Variants in TRIM14 observed in about 807,000 individuals in gnomAD.
TRIM14 encodes the protein tripartite motif containing 14, also known as tripartite motif-containing protein 14.
A neutral mutation model predicts 44.5 loss-of-function variants in TRIM14; 28 were observed. The observed-to-expected ratio is 0.63, with a 90% confidence interval of 0.47 to 0.86. The LOEUF (loss-of-function observed/expected upper bound fraction) is 0.86, where lower values mean the gene tolerates loss of function less well. TRIM14 is among the 40% of genes least tolerant of loss of function. TRIM14 has a pLI of 0.00. For synonymous variants in TRIM14, 299 were observed against 269.2 expected (o/e 1.11, Z -1.08); for missense variants, 607 against 611.1 (o/e 0.99, Z 0.07).
chr9:98,061,931 G>A, the TRIM14 span, among the ~76,000 whole-genome samples: 1 of 151,598 alleles, frequency 6.6e-6, no homozygotes, highest in African/African-American at 2.4e-5. Context: ...AAATGGTCTG[G>A]GAACCAGGGC....
Position 98,092,444 on chromosome 9 carries a change from C to G in TRIM14, c.701-443G>C, listed in dbSNP as rs761728564. The G allele has an allele frequency of 1.1e-4, 39 of 360,260 alleles. 1 individual carries two copies. Among genetic ancestry groups the G allele is most frequent in the South Asian group, 8.1e-4 (39 of 47,986 alleles). 22.3% of individuals were successfully genotyped at this position (360,260 alleles called of 1,614,324 possible). On this transcript the variant is annotated intron_variant, in intron 4 of 5. Transcript: ENST00000341469. ...TGGACAGCCCCCCCACACCCTTCCC[C>G]CCTTGCCCAGGTTGCCTCCTTCCCA...
chr9:98,072,115 C>CT (rs1491452492), intron 6 of TRIM14, among the ~76,000 whole-genome samples: 6 of 152,184 alleles, frequency 3.9e-5, no homozygotes, highest in Non-Finnish European at 7.3e-5. Context: ...GGTGCTCACA[C>CT]TCTGTGTGGC....
Position 98,109,993 on chromosome 9 carries a change from G to A in TRIM14, c.208-9C>T. 6.2e-7 allele frequency: 1 copy of A among 1,611,718 alleles called. No homozygotes were observed. The highest frequency in any genetic ancestry group is 1.1e-5 in the South Asian group (1 of 91,012). ...CATTCTTGGCTGAGTTTCTGTACAG[G>A]AGGGAGTTAGGAAAAAAGTCGTAAT... On this transcript the variant is annotated splice_polypyrimidine_tract_variant and intron_variant, in intron 1 of 5. Coordinates refer to ENST00000341469, the MANE Select transcript of TRIM14 (RefSeq NM_014788.4).
rs1033232989 is a variant in TRIM14 at position 98,095,575 on chromosome 9, T to G, written c.538-546A>C. On this transcript the variant is annotated intron_variant, in intron 3 of 5. Transcript: ENST00000341469. This position sits in a 1 kb window ranked among gnomAD's most constrained non-coding sequence, Gnocchi z 4.1. ...GGGGGTGTGGCCACCGCAGGGGACATGTGTCCTGTTTTGCACCTGGACAGC... is the reference window on the plus strand; with the variant it reads ...GGGGGTGTGGCCACCGCAGGGGACAGGTGTCCTGTTTTGCACCTGGACAGC... 1.3e-5 allele frequency among the ~76,000 whole-genome samples: 2 copies of G among 152,328 alleles called. No homozygotes were observed. Among genetic ancestry groups the G allele is most frequent in the African/African-American group, 4.8e-5 (2 of 41,570 alleles).
chr9:98,082,938 C>T, downstream of TRIM14: 2 of 1,614,186 alleles, frequency 1.2e-6, no homozygotes, highest in Non-Finnish European at 1.7e-6. Context: ...AGCCCAAAGG[C>T]TATCCTCCTG....
intron 1 of TRIM14, among the ~76,000 whole-genome samples, chr9:98,110,734 G>A (rs1826815786): frequency 6.6e-6 from 1 of 151,950 alleles, no homozygotes; most frequent in Non-Finnish European, 1.5e-5. Context: ...GGTCAGGCAT[G>A]GTGGCTCATG....
In TRIM14 at chr9:98,118,974, G is replaced by T. The variant is rs1025404751; in HGVS notation, c.207+8C>A. On this transcript the variant is annotated splice_region_variant and intron_variant, in intron 1 of 5. Transcript: ENST00000341469. ...CCGCGCGGCGAACCCCGTCCCCATC[G>T]TCCCCACCTGCACGTGCACCGCTGC... 35 of 1,529,338 alleles carry T rather than the reference G, an allele frequency of 2.3e-5. No individual in the cohort carries two copies. The highest frequency in any genetic ancestry group is 2.9e-5 in the Non-Finnish European group (33 of 1,147,202). 94.7% of individuals were successfully genotyped at this position (1,529,338 alleles called of 1,614,324 possible).
In TRIM14 at chr9:98,116,673, CA is replaced by C. The variant is rs1033313996; in HGVS notation, c.207+2308del. On this transcript the variant is annotated intron_variant, in intron 1 of 5. Transcript: ENST00000341469. ...ACAACATGGTGAAACCCCGTCTCTA[CA>C]AAAAAAATACAAAAAAAAAATTAGC... Among the ~76,000 whole-genome samples, 3 of 150,114 alleles carry C rather than the reference CA, an allele frequency of 2.0e-5. No homozygotes were observed. The East Asian group carries it at 5.9e-4, about 29-fold the overall frequency.
At chr9:98,114,999 G>A (rs1223344922) in intron 1 of TRIM14, among the ~76,000 whole-genome samples, 1 of 152,108 alleles carries the variant, frequency 6.6e-6, no homozygotes, top group Non-Finnish European at 1.5e-5. Context: ...AGATACTTTT[G>A]TGAGCAAAAT....
intron 2 of TRIM14, among the ~76,000 whole-genome samples, chr9:98,104,523 T>TAG (rs370632139): frequency 2.7e-5 from 4 of 149,202 alleles, no homozygotes; most frequent in African/African-American, 7.4e-5. Flanking sequence ...CAGAAAGGGG[T>TAG]AGAGAGAGAG....
the TRIM14 span, among the ~76,000 whole-genome samples, chr9:98,040,736 C>T: frequency 3.4e-3 from 514 of 151,722 alleles, 6 homozygotes; most frequent in African/African-American, 0.011. Flanking sequence ...CAGCTCATTG[C>T]AACCTCTGCC....
intron 1 of TRIM14, among the ~76,000 whole-genome samples, chr9:98,114,549 C>T (rs977874421): frequency 2.6e-5 from 4 of 152,102 alleles, no homozygotes; most frequent in African/African-American, 9.7e-5. Context: ...GTCTCGATCT[C>T]CTGACCTCGT....
intron 1 of TRIM14, among the ~76,000 whole-genome samples, chr9:98,111,043 C>A (rs1169675486): frequency 7.0e-6 from 1 of 141,922 alleles, no homozygotes; most frequent in Non-Finnish European, 1.5e-5. Flanking sequence ...CAGAGTGAGA[C>A]CCTGTCCCCC....
chr9:98,062,289 G>A, the TRIM14 span, among the ~76,000 whole-genome samples: 2 of 151,980 alleles, frequency 1.3e-5, no homozygotes, highest in Non-Finnish European at 2.9e-5. Context: ...TGACTTGAGT[G>A]GGGGGACACT....
At chr9:98,101,195 GA>G (rs1826376068) in intron 2 of TRIM14, among the ~76,000 whole-genome samples, 2 of 151,698 alleles carry the variant, frequency 1.3e-5, no homozygotes, top group African/African-American at 4.8e-5. Context: ...GGCTGGTCTT[GA>G]ACTTCTGACC....
chr9:98,118,319 G>A (rs918291657), intron 1 of TRIM14, among the ~76,000 whole-genome samples: 2 of 152,182 alleles, frequency 1.3e-5, no homozygotes, highest in Non-Finnish European at 2.9e-5. Context: ...CCTGTTGGGG[G>A]CATCTGGCTA....
rs1826126769 is a variant in TRIM14, at chr9:98,094,901, T to G, written c.666A>C (p.Thr222=). The change falls in exon 4 of 6, where the codon ACA becomes ACC. Residue 222 remains threonine (T), a synonymous_variant. Transcript: ENST00000341469. ...FKGLVEAVES[T]LQTPLDIRLK... ...GGCGAATGTCCAATGGCGTCTGTAA[T>G]GTACTCTCCACGGCTTCCACGAGGC... The G allele has an allele frequency of 6.2e-7, 1 of 1,614,144 alleles. No individual in the cohort carries two copies. Among genetic ancestry groups the G allele is most frequent in the Non-Finnish European group, 8.5e-7 (1 of 1,180,012 alleles).
In TRIM14 at chr9:98,087,760, G is replaced by A; in HGVS notation, c.1039C>T (p.Arg347Cys). Residue 347 changes from arginine to cysteine, a missense_variant, in exon 6 of 6, where the codon CGC becomes TGC. Around this residue, in one of 3 missense-constraint regions of TRIM14, gnomAD observed 356 missense variants for 323.0 expected, o/e 1.10. Coordinates refer to ENST00000341469, the MANE Select transcript of TRIM14 (RefSeq NM_014788.4). ...VGAAYASLRR[R>C]GASAAARLGC... The stretch of plus-strand genomic sequence containing the variant: ...AGGCGGGCGGCGGCCGAGGCCCCGC[G>A]GCGCCGAAGGGAGGCGTAGGCCGCG... 6.5e-7 allele frequency: 1 copy of A among 1,532,762 alleles called. No homozygotes were observed. The highest frequency in any genetic ancestry group is 8.7e-7 in the Non-Finnish European group (1 of 1,150,446). 94.9% of individuals were successfully genotyped at this position (1,532,762 alleles called of 1,614,324 possible).
At chr9:98,036,895 C>T in the TRIM14 span, among the ~76,000 whole-genome samples, 1 of 152,218 alleles carries the variant, frequency 6.6e-6, no homozygotes, top group Non-Finnish European at 1.5e-5. Context: ...CCCCGTAGGA[C>T]ACAGTGACAA....
Sources: gnomAD v4.1 joint callset for allele counts (sites outside exome capture counted in the v4.1 genomes callset) on GRCh38, gnomAD v4.1.1 for gene constraint, gnomAD v4.1.1 regional missense constraint, Gnocchi (gnomAD v3.1) non-coding constraint, MANE v1.5 for transcripts, NCBI Gene and HGNC (gene_info 2026-07-23, HGNC 2026-07-21) for gene names.